The following MED13L variants were observed in gnomAD, a reference collection of about 807,000 sequenced individuals.
MED13L encodes mediator of RNA polymerase II transcription subunit 13-like.
MED13L carries 7 observed loss-of-function variants against 220.9 expected under a neutral mutation model. The ratio of observed to expected loss-of-function variants is 0.03; its 90% CI spans 0.02 to 0.06. The LOEUF (loss-of-function observed/expected upper bound fraction) is 0.06, where lower values mean the gene tolerates loss of function less well. MED13L is among the 10% of genes least tolerant of loss of function. The pLI, the probability that MED13L is intolerant of heterozygous loss-of-function variation, is 1.00. For synonymous variants in MED13L, 1,011 were observed against 1,015.2 expected, an observed-to-expected ratio of 1.00 and a Z score of 0.08; for missense variants, 1,965 against 2,760.5, an observed-to-expected ratio of 0.71 and a Z score of 6.46.
chr12:116,186,959 CCAAA>C (rs1880940925), intron 2 of MED13L, among the ~76,000 whole-genome samples: 1 of 152,124 alleles, frequency 6.6e-6, no homozygotes, highest in African/African-American at 2.4e-5. Flanking sequence ...TACTGCTCTC[CCAAA>C]CAAACCTTCA....
At chr12:116,043,977 T>C (rs1881683101) in intron 4 of MED13L, among the ~76,000 whole-genome samples, 1 of 152,246 alleles carries the variant, frequency 6.6e-6, no homozygotes, top group Admixed American at 6.5e-5. Context: ...TACCACTGCA[T>C]ATAAAGCAGA....
At position 116,121,870 on chromosome 12, in the gene MED13L, T is replaced by G. The variant is rs536662822; in HGVS notation, c.311-10358A>C. ...TATTGGAGGTGGGGGAAGGGCACTT[T>G]CAGGGATGGCACTTCTTATTCAGCC... On this transcript the variant is annotated intron_variant, in intron 2 of 30. Transcript: ENST00000281928. Among the ~76,000 whole-genome samples, 2 of 152,232 alleles carry G rather than the reference T, an allele frequency of 1.3e-5. 1 individual carries two copies. The highest frequency in any genetic ancestry group is 4.2e-4 in the South Asian group (2 of 4,816).
chr12:116,125,301 CTCAA>C (rs1000386453), intron 2 of MED13L, among the ~76,000 whole-genome samples: 1 of 152,134 alleles, frequency 6.6e-6, no homozygotes, highest in African/African-American at 2.4e-5. Context: ...GTGATCCCAT[CTCAA>C]TCAATCAATC....
intron 2 of MED13L, among the ~76,000 whole-genome samples, chr12:116,234,230 T>C (rs1869855861): frequency 6.6e-6 from 1 of 151,874 alleles, no homozygotes; most frequent in African/African-American, 2.4e-5. Context: ...TATTTATTTA[T>C]TTATTTATTT....
intron 2 of MED13L, among the ~76,000 whole-genome samples, chr12:116,207,587 T>C (rs1882424938): frequency 6.6e-6 from 1 of 152,178 alleles, no homozygotes; most frequent in South Asian, 2.1e-4. Flanking sequence ...GATGGCAGTG[T>C]TGTTATTCTA....
chr12:115,972,856 C>T (rs1036417173), intron 25 of MED13L, among the ~76,000 whole-genome samples: 1 of 152,108 alleles, frequency 6.6e-6, no homozygotes, highest in African/African-American at 2.4e-5. Context: ...AGCATTATAC[C>T]TAACTGGAGC....
chr12:116,120,649 A>T (rs1875013512), intron 2 of MED13L, among the ~76,000 whole-genome samples: 1 of 152,014 alleles, frequency 6.6e-6, no homozygotes, highest in Non-Finnish European at 1.5e-5. Flanking sequence ...AAAAGTCTAT[A>T]AGAAAGTCCT....
At position 115,988,867 on chromosome 12, in the gene MED13L, A is replaced by G. The variant is rs779757603; in HGVS notation, c.3935-1579T>C. Reference sequence around the variant, plus strand: ...CCTATCTAGTAAAAGGACTCACCCAAGCTGATCATCCACATTTCTTTAGGG... The same window carrying G: ...CCTATCTAGTAAAAGGACTCACCCAGGCTGATCATCCACATTTCTTTAGGG... On this transcript the variant is annotated intron_variant, in intron 17 of 30. Coordinates refer to ENST00000281928, the MANE Select transcript of MED13L (RefSeq NM_015335.5). Among the ~76,000 whole-genome samples the G allele has an allele frequency of 5.9e-5, 9 of 152,176 alleles. No homozygotes were observed. The East Asian group carries it at 1.2e-3, about 20-fold the overall frequency.
chr12:116,266,896 C>A (rs1366635780), intron 1 of MED13L, among the ~76,000 whole-genome samples: 2 of 152,162 alleles, frequency 1.3e-5, no homozygotes, highest in Non-Finnish European at 2.9e-5. Flanking sequence ...TTTTTAGATA[C>A]TGCCACATTA....
chr12:116,225,769 A>G (rs1245495282), intron 2 of MED13L, among the ~76,000 whole-genome samples: 2 of 152,212 alleles, frequency 1.3e-5, no homozygotes, highest in African/African-American at 2.4e-5. Flanking sequence ...CTCATGTTGA[A>G]TAGGTTCACA....
At chr12:116,037,289 C>A (rs750126272) in intron 4 of MED13L, among the ~76,000 whole-genome samples, 7 of 152,134 alleles carry the variant, frequency 4.6e-5, no homozygotes, top group Non-Finnish European at 1.0e-4. Flanking sequence ...CCACACATGA[C>A]CTCATGTGAC....
intron 4 of MED13L, among the ~76,000 whole-genome samples, chr12:116,077,603 A>C (rs567909425): frequency 6.6e-6 from 1 of 152,342 alleles, no homozygotes; most frequent in Non-Finnish European, 1.5e-5. Flanking sequence ...GAATATATAC[A>C]TATGTATTTG....
intron 2 of MED13L, among the ~76,000 whole-genome samples, chr12:116,200,200 T>A (rs1418292866): frequency 3.9e-5 from 6 of 152,124 alleles, no homozygotes; most frequent in Non-Finnish European, 5.9e-5. Context: ...AATAAAGTAC[T>A]ACCAATCCCC....
chr12:116,248,152 TAGA>T (rs1477354815), intron 1 of MED13L, among the ~76,000 whole-genome samples: 2 of 152,136 alleles, frequency 1.3e-5, no homozygotes, highest in Non-Finnish European at 2.9e-5. Flanking sequence ...AAGAATAAAA[TAGA>T]AGAATAAAGC....
intron 1 of MED13L, among the ~76,000 whole-genome samples, chr12:116,246,718 G>C (rs1194438481): frequency 7.9e-6 from 1 of 126,954 alleles, no homozygotes; most frequent in African/African-American, 3.0e-5. Context: ...GGCTCAAGCA[G>C]AAGGATCACC....
chr12:116,094,741 A>C (rs1459828160), intron 4 of MED13L, among the ~76,000 whole-genome samples: 3 of 152,224 alleles, frequency 2.0e-5, no homozygotes, highest in Non-Finnish European at 4.4e-5. Flanking sequence ...ACTCAGAATG[A>C]TAAAGAAGGT....
At chr12:116,036,324 T>A (rs1881194819) in intron 4 of MED13L, among the ~76,000 whole-genome samples, 1 of 152,208 alleles carries the variant, frequency 6.6e-6, no homozygotes. Flanking sequence ...TTAAAAAATA[T>A]CTTTTAAGAC....
chr12:116,251,861 A>C (rs1316343353), intron 1 of MED13L, among the ~76,000 whole-genome samples: 1 of 151,996 alleles, frequency 6.6e-6, no homozygotes, highest in Non-Finnish European at 1.5e-5. Context: ...CAGAAAAAAG[A>C]TATACTGTGC....
intron 29 of MED13L, among the ~76,000 whole-genome samples, chr12:115,964,070 G>A (rs922024966): frequency 6.6e-6 from 1 of 151,978 alleles, no homozygotes; most frequent in Non-Finnish European, 1.5e-5. Context: ...CTGGGCAACA[G>A]AGCAAGACTC....
Sources: gnomAD v4.1 joint callset for allele counts (sites outside exome capture counted in the v4.1 genomes callset) on GRCh38, gnomAD v4.1.1 for gene constraint, MANE v1.5 for transcripts, NCBI Gene and HGNC (gene_info 2026-07-23, HGNC 2026-07-21) for gene names.